LARGE1: variants seen among roughly 807,000 people sequenced by gnomAD.
The protein encoded by LARGE1 is xylosyl- and glucuronyltransferase LARGE1.
LARGE1 carries 43 observed loss-of-function variants against 87.6 expected under a neutral mutation model. The observed-to-expected ratio is 0.49, with a 90% CI of 0.38 to 0.63. The LOEUF (loss-of-function observed/expected upper bound fraction) is 0.63, where lower values mean the gene tolerates loss of function less well. Ranked by LOEUF, LARGE1 falls within the 30% of genes least tolerant of loss-of-function variation. The pLI is 0.00. For synonymous variants in LARGE1, 434 were observed against 394.6 expected, an observed-to-expected ratio of 1.10 and a Z score of -1.18; for missense variants, 802 against 1,000.2, an observed-to-expected ratio of 0.80 and a Z score of 2.67.
rs758222712 is a variant in LARGE1 at position 33,507,857 on chromosome 22, TA to T, written c.787+56990del. Among the ~76,000 whole-genome samples the T allele has an allele frequency of 2.0e-4, 31 of 152,304 alleles. 1 individual carries two copies. The highest frequency in any genetic ancestry group is 2.9e-4 in the Non-Finnish European group (20 of 68,016). Reference sequence around the variant, plus strand: ...TGGTGTGGTACCAGAATTACATACCTAGGGGGACTGTTGAGGATTCACACTT... The same window carrying T: ...TGGTGTGGTACCAGAATTACATACCTGGGGGACTGTTGAGGATTCACACTT... On this transcript the variant is annotated intron_variant, in intron 6 of 14. Transcript: ENST00000397394.
At chr22:33,718,786 CT>C (rs1569401226) in intron 2 of LARGE1, among the ~76,000 whole-genome samples, 1 of 152,148 alleles carries the variant, frequency 6.6e-6, no homozygotes, top group Non-Finnish European at 1.5e-5. Flanking sequence ...GTTTTGTTTT[CT>C]TTTTTTCTGA....
intron 11 of LARGE1, among the ~76,000 whole-genome samples, chr22:33,238,833 T>C (rs972780893): frequency 5.9e-5 from 9 of 152,146 alleles, no homozygotes; most frequent in Non-Finnish European, 1.2e-4. Flanking sequence ...TAGTGGTTCC[T>C]GGAAAATGTA....
intron 5 of LARGE1, among the ~76,000 whole-genome samples, chr22:33,575,538 A>G (rs892333802): frequency 6.6e-6 from 1 of 152,212 alleles, no homozygotes; most frequent in African/African-American, 2.4e-5. Context: ...ACTGAATTAC[A>G]TATTTCATGC....
At chr22:33,792,883 G>A (rs2085866684) in intron 1 of LARGE1, among the ~76,000 whole-genome samples, 1 of 152,130 alleles carries the variant, frequency 6.6e-6, no homozygotes, top group Non-Finnish European at 1.5e-5. Context: ...CCAGCCACGG[G>A]AAAAAGAAAG....
intron 2 of LARGE1, among the ~76,000 whole-genome samples, chr22:33,697,572 G>GAAAAAAAAAAAAAAAA (rs1556001740): frequency 6.5e-5 from 2 of 30,892 alleles, no homozygotes; most frequent in African/African-American, 1.3e-4. Context: ...AAAAAAAAAG[G>GAAAAAAAAAAAAAAAA]AAATACATCT....
intron 1 of LARGE1, among the ~76,000 whole-genome samples, chr22:33,878,029 A>G (rs1244461736): frequency 6.6e-6 from 1 of 151,566 alleles, no homozygotes; most frequent in Non-Finnish European, 1.5e-5. Context: ...ATGCTGGGCT[A>G]AATACAACAT....
chr22:33,280,231 A>G (rs1348340624), intron 13 of LARGE1, among the ~76,000 whole-genome samples: 1 of 150,668 alleles, frequency 6.6e-6, no homozygotes, highest in Non-Finnish European at 1.5e-5. Flanking sequence ...GGACACAGCA[A>G]TATCTACTTC....
intron 6 of LARGE1, among the ~76,000 whole-genome samples, chr22:33,501,831 T>C (rs2070453596): frequency 6.6e-6 from 1 of 152,138 alleles, no homozygotes. Flanking sequence ...GTCATGCAAA[T>C]GCACTTCAGT....
At chr22:33,643,247 C>A (rs1401713831) in intron 3 of LARGE1, among the ~76,000 whole-genome samples, 1 of 152,136 alleles carries the variant, frequency 6.6e-6, no homozygotes, top group Non-Finnish European at 1.5e-5. Flanking sequence ...GAAACTCACT[C>A]AAAACTGCAC....
chr22:33,764,588 T>C (rs1247873487), intron 1 of LARGE1, among the ~76,000 whole-genome samples: 1 of 151,986 alleles, frequency 6.6e-6, no homozygotes, highest in East Asian at 1.9e-4. Context: ...CGAAACCCTG[T>C]CTCTACTAAA....
chr22:33,392,938 A>G (rs2065586069), intron 7 of LARGE1, among the ~76,000 whole-genome samples: 1 of 152,184 alleles, frequency 6.6e-6, no homozygotes, highest in African/African-American at 2.4e-5. Context: ...TAGCCTTCTC[A>G]GTGTTCTGAA....
chr22:33,316,700 G>T (rs9607030), intron 10 of LARGE1, among the ~76,000 whole-genome samples: 43,224 of 151,760 alleles, frequency 0.28, 6,796 homozygotes, highest in Non-Finnish European at 0.37. Context: ...TGGCACCACT[G>T]CACTCCAGCC....
intron 5 of LARGE1, among the ~76,000 whole-genome samples, chr22:33,585,829 C>T (rs1413228387): frequency 6.6e-6 from 1 of 152,024 alleles, no homozygotes; most frequent in Non-Finnish European, 1.5e-5. Context: ...GTGACCTCTC[C>T]CCATTAGGTT....
At chr22:33,564,789 T>C (rs1399220584) in intron 6 of LARGE1, 59 bp downstream of exon 6, 2 of 1,583,378 alleles carry the variant, frequency 1.3e-6, no homozygotes, top group East Asian at 2.2e-5. Flanking sequence ...TCAACCCCTA[T>C]TCTTGGCATG....
the LARGE1 span, among the ~76,000 whole-genome samples, chr22:33,075,252 G>T: frequency 6.6e-6 from 1 of 152,176 alleles, no homozygotes; most frequent in African/African-American, 2.4e-5. Context: ...GATAGAGTTG[G>T]AATCAAGTCC....
intron 1 of LARGE1, among the ~76,000 whole-genome samples, chr22:33,771,150 T>C (rs1352565097): frequency 6.6e-6 from 1 of 150,600 alleles, no homozygotes; most frequent in East Asian, 1.9e-4. Flanking sequence ...TTTATCATAC[T>C]CTCTATCCAG....
At chr22:33,609,523 G>A in intron 4 of LARGE1, among the ~76,000 whole-genome samples, 1 of 152,170 alleles carries the variant, frequency 6.6e-6, no homozygotes, top group Non-Finnish European at 1.5e-5. Flanking sequence ...TAAATGGGCA[G>A]AGGAGGAGAA....
chr22:33,850,116 G>A (rs955141746), intron 1 of LARGE1, among the ~76,000 whole-genome samples: 1 of 152,036 alleles, frequency 6.6e-6, no homozygotes, highest in Admixed American at 6.6e-5. Context: ...AACTGCCAGC[G>A]ACCACAACCA....
intron 11 of LARGE1, among the ~76,000 whole-genome samples, chr22:33,252,461 G>C (rs1927056168): frequency 6.6e-6 from 1 of 151,868 alleles, no homozygotes; most frequent in Admixed American, 6.6e-5. Flanking sequence ...AATTATTCTG[G>C]TCCCGGGAAT....
Sources: allele counts gnomAD v4.1 joint callset (sites outside exome capture counted in the v4.1 genomes callset), GRCh38; gene constraint gnomAD v4.1.1; transcripts MANE v1.5; gene names NCBI Gene and HGNC (gene_info 2026-07-23, HGNC 2026-07-21).